KCNU1: variants seen among roughly 807,000 people sequenced by gnomAD.
The protein encoded by KCNU1 is potassium channel subfamily U member 1.
KCNU1 carries 93 observed loss-of-function variants against 126.8 expected under a neutral mutation model. That is an observed-to-expected ratio of 0.73 (90% CI 0.62 to 0.87). KCNU1 has a LOEUF of 0.87. KCNU1 is among the 40% of genes least tolerant of loss of function. The pLI is 0.00. For missense variants in KCNU1, 1,330 were observed against 1,367.1 expected (o/e 0.97, Z 0.43); for synonymous variants, 523 against 494.2 (o/e 1.06, Z -0.77).
At chr8:36,904,442 T>C (rs1807542336) in intron 19 of KCNU1, among the ~76,000 whole-genome samples, 1 of 152,186 alleles carries the variant, frequency 6.6e-6, no homozygotes, top group African/African-American at 2.4e-5. Context: ...CTGGATATGG[T>C]GAGGTTGGTA....
intron 22 of KCNU1, among the ~76,000 whole-genome samples, chr8:36,914,200 C>T (rs979530311): frequency 2.0e-5 from 3 of 152,182 alleles, no homozygotes; most frequent in African/African-American, 7.2e-5. Flanking sequence ...CGTCCACAAT[C>T]AGCACTAAAA....
At chr8:36,923,077 C>G (rs948320140) in intron 24 of KCNU1, 1 of 456,744 alleles carries the variant, frequency 2.2e-6, no homozygotes, top group Non-Finnish European at 4.4e-6. Context: ...TCAAATCTCC[C>G]TCCATGTTCC....
At chr8:36,802,923 T>C (rs1233179481) in intron 2 of KCNU1, among the ~76,000 whole-genome samples, 2 of 152,146 alleles carry the variant, frequency 1.3e-5, no homozygotes, top group Non-Finnish European at 2.9e-5. Flanking sequence ...TAGAGAAATG[T>C]TTGTGGAATT....
chr8:36,879,752 TG>T (rs1806405774), intron 19 of KCNU1, among the ~76,000 whole-genome samples: 1 of 152,202 alleles, frequency 6.6e-6, no homozygotes, highest in African/African-American at 2.4e-5. Flanking sequence ...GAAATTTACC[TG>T]GCAACTGTAA....
chr8:36,900,937 T>C lies in KCNU1; in HGVS notation c.2010-4771T>C, dbSNP rs557588316. Among the ~76,000 whole-genome samples, 6 of 152,176 alleles carry C rather than the reference T, an allele frequency of 3.9e-5. No individual in the cohort carries two copies. In the South Asian group the frequency reaches 1.2e-3, roughly 32 times the overall value. ...TAAAACTCAAATCTTGCCCCAAAAATATATTGCTCTGCATCCAGGCCAGAA... is the reference window on the plus strand; with the variant it reads ...TAAAACTCAAATCTTGCCCCAAAAACATATTGCTCTGCATCCAGGCCAGAA... On this transcript the variant is annotated intron_variant, in intron 19 of 26. Transcript: ENST00000399881.
chr8:36,893,533 A>G (rs936762510), intron 19 of KCNU1, among the ~76,000 whole-genome samples: 6 of 152,004 alleles, frequency 3.9e-5, no homozygotes, highest in African/African-American at 1.4e-4. Flanking sequence ...AGGATATTTA[A>G]CAGCTTCAGA....
chr8:36,831,282 G>A (rs2130536161), intron 10 of KCNU1, among the ~76,000 whole-genome samples: 1 of 152,242 alleles, frequency 6.6e-6, no homozygotes, highest in African/African-American at 2.4e-5. Context: ...CCAGTAATGG[G>A]ATGGTTGGGT....
At chr8:36,888,536 A>T (rs373551799) in intron 19 of KCNU1, 2 of 533,092 alleles carry the variant, frequency 3.8e-6, no homozygotes, top group African/African-American at 3.9e-5. Flanking sequence ...CATTTACAAG[A>T]TCTGGGAGAT....
intron 18 of KCNU1, 96 bp downstream of exon 18, chr8:36,845,995 AT>A: frequency 2.7e-6 from 2 of 728,762 alleles, no homozygotes; most frequent in Non-Finnish European, 4.7e-6. Flanking sequence ...GGCAATGTCC[AT>A]TTGAACTTGG....
In KCNU1 at chr8:36,816,870, G is replaced by T. The variant is rs904739838; in HGVS notation, c.996-780G>T. 4.3e-4 allele frequency among the ~76,000 whole-genome samples: 65 copies of T among 151,966 alleles called. 1 individual carries two copies. ...ATAAGCTGAAACAATCTGGAATGTG[G>T]TGCTTTCTCAGCCATGATATTTGGG... On this transcript the variant is annotated intron_variant, in intron 9 of 26. Coordinates refer to ENST00000399881, the MANE Select transcript of KCNU1 (RefSeq NM_001031836.3).
chr8:36,916,174 G>T (rs1467737831), intron 22 of KCNU1, among the ~76,000 whole-genome samples: 1 of 146,866 alleles, frequency 6.8e-6, no homozygotes. Context: ...AGGAAAGAAG[G>T]TAGGAAAGAA....
At chr8:36,925,299 C>T (rs915224035) in intron 24 of KCNU1, among the ~76,000 whole-genome samples, 6 of 152,154 alleles carry the variant, frequency 3.9e-5, no homozygotes, top group Non-Finnish European at 8.8e-5. Flanking sequence ...TTAGGACTGG[C>T]ATTTGCTCAA....
intron 12 of KCNU1, 79 bp from the exon 13 acceptor site, chr8:36,836,217 T>C: frequency 2.2e-6 from 2 of 902,194 alleles, no homozygotes; most frequent in Non-Finnish European, 3.6e-6. Context: ...TACATATCAA[T>C]TTAACTCTGA....
chr8:36,884,050 A>G (rs569673249), intron 19 of KCNU1, among the ~76,000 whole-genome samples: 15 of 152,340 alleles, frequency 9.8e-5, no homozygotes, highest in Non-Finnish European at 2.1e-4. Flanking sequence ...ACGAAGTTTC[A>G]TAGTAATGGC....
Position 36,817,779 on chromosome 8 carries a change from C to A in KCNU1, c.1106+19C>A, listed in dbSNP as rs529652011. 25 of 1,183,588 alleles carry A rather than the reference C, an allele frequency of 2.1e-5. No individual in the cohort carries two copies. The African/African-American group carries it at 2.8e-4, about 13-fold the overall frequency. 73.3% of individuals were successfully genotyped at this position (1,183,588 alleles called of 1,614,324 possible). A position where few individuals can be genotyped will look rare whatever the true frequency, so the allele number is the denominator to read the frequency against. On this transcript the variant is annotated intron_variant, in intron 10 of 26. Transcript: ENST00000399881. Reference sequence around the variant, plus strand: ...TGGGAGAGTAAGTATATCTGTATGGCTCATGGGTTCTAAATTAATACTTAA... The same window carrying A: ...TGGGAGAGTAAGTATATCTGTATGGATCATGGGTTCTAAATTAATACTTAA...
rs571151055 is a variant in KCNU1 at position 36,822,615 on chromosome 8, T to A, written c.1106+4855T>A. Among the ~76,000 whole-genome samples, 8 of 152,316 alleles carry A rather than the reference T, an allele frequency of 5.3e-5. No homozygotes were observed. In the South Asian group the frequency reaches 1.7e-3, roughly 32 times the overall value. On this transcript the variant is annotated intron_variant, in intron 10 of 26. Transcript: ENST00000399881. The stretch of plus-strand genomic sequence containing the variant: ...AAGCAGTATCTAACATATTACTCTA[T>A]GAAATGTTATGAAAATAAAATATTA...
At chr8:36,851,964 G>A (rs972701617) in intron 18 of KCNU1, among the ~76,000 whole-genome samples, 7 of 152,020 alleles carry the variant, frequency 4.6e-5, no homozygotes, top group Non-Finnish European at 7.4e-5. Context: ...TGACCATAGG[G>A]GGAAGGCATT....
chr8:36,907,939 A>G (rs1807695998), intron 20 of KCNU1, among the ~76,000 whole-genome samples: 1 of 152,194 alleles, frequency 6.6e-6, no homozygotes, highest in African/African-American at 2.4e-5. Flanking sequence ...TAAGAAATAA[A>G]CATTTTGAAT....
chr8:36,916,702 C>T (rs554185753), intron 22 of KCNU1, among the ~76,000 whole-genome samples: 8 of 152,240 alleles, frequency 5.3e-5, no homozygotes, highest in South Asian at 2.1e-4. Flanking sequence ...AATAGCTGTG[C>T]GAATCCAGTT....
Sources: gnomAD v4.1 joint callset for allele counts (sites outside exome capture counted in the v4.1 genomes callset) on GRCh38, gnomAD v4.1.1 for gene constraint, MANE v1.5 for transcripts, NCBI Gene and HGNC (gene_info 2026-07-23, HGNC 2026-07-21) for gene names.